Variants in PRKD3 observed in about 807,000 individuals in gnomAD.
PRKD3 encodes serine/threonine-protein kinase D3.
A neutral mutation model predicts 99.2 loss-of-function variants in PRKD3; 47 were observed. That is an observed-to-expected ratio of 0.47 (90% CI 0.38 to 0.60). The LOEUF (loss-of-function observed/expected upper bound fraction) is 0.60. Among genes scored for constraint, PRKD3 ranks in the 20% least tolerant of loss-of-function variants. The pLI, the probability that PRKD3 is intolerant of heterozygous loss-of-function variation, is 0.00. For synonymous variants in PRKD3, 392 were observed against 355.4 expected, an observed-to-expected ratio of 1.10 and a Z score of -1.16; for missense variants, 1,019 against 1,088.4, an observed-to-expected ratio of 0.94 and a Z score of 0.90.
chr2:37,271,612 C>T (rs771569512), intron 12 of PRKD3, among the ~76,000 whole-genome samples: 3 of 152,194 alleles, frequency 2.0e-5, no homozygotes, highest in African/African-American at 7.2e-5. Context: ...GCCCAAGCTC[C>T]GCCTCCTGCC....
Position 37,275,783 on chromosome 2 carries a change from C to G in PRKD3, c.1358G>C (p.Gly453Ala). The G allele has an allele frequency of 6.2e-7, 1 of 1,609,158 alleles. No individual in the cohort carries two copies. The highest frequency in any genetic ancestry group is 8.5e-7 in the Non-Finnish European group (1 of 1,177,784). ...AATCCTTACCTTATAATACTTTGAT[C>G]CAGATTCATTCTGAAATAATGTTAG... Reference protein sequence around the residue: ...KCLTLFQNESGSKYYKEIPLS... With the variant: ...KCLTLFQNESASKYYKEIPLS... Residue 453 changes from glycine to alanine, a missense_variant, in exon 10 of 19, where the codon GGA becomes GCA. Transcript: ENST00000234179.
intron 12 of PRKD3, among the ~76,000 whole-genome samples, chr2:37,270,939 T>C (rs964481995): frequency 2.0e-5 from 3 of 152,218 alleles, no homozygotes; most frequent in Admixed American, 1.3e-4. Flanking sequence ...TCCCATGGGA[T>C]TATTCAAAAT....
intron 2 of PRKD3, among the ~76,000 whole-genome samples, chr2:37,306,403 T>A (rs1219172976): frequency 6.6e-6 from 1 of 152,244 alleles, no homozygotes; most frequent in Non-Finnish European, 1.5e-5. Context: ...AGATCTTGTT[T>A]GTTGTTAATT....
At chr2:37,285,243 C>T (rs887519268) in intron 6 of PRKD3, among the ~76,000 whole-genome samples, 1 of 152,154 alleles carries the variant, frequency 6.6e-6, no homozygotes, top group African/African-American at 2.4e-5. Context: ...AAAGTTTCTA[C>T]TGTACAGCAT....
intron 9 of PRKD3, 121 bp downstream of exon 9, chr2:37,277,745 A>G: frequency 2.0e-6 from 2 of 997,808 alleles, no homozygotes; most frequent in Non-Finnish European, 2.8e-6. Context: ...TCTTTTACAA[A>G]TTGCTGTGGT....
At chr2:37,313,229 T>C (rs1671515410) in intron 2 of PRKD3, among the ~76,000 whole-genome samples, 1 of 151,710 alleles carries the variant, frequency 6.6e-6, no homozygotes, top group African/African-American at 2.4e-5. Flanking sequence ...AGACAAGATA[T>C]AAAGGATTGA....
At chr2:37,260,091 G>C in intron 15 of PRKD3, 132 bp downstream of exon 15, 1 of 762,200 alleles carries the variant, frequency 1.3e-6, no homozygotes, top group Admixed American at 3.0e-5. Flanking sequence ...CTTGAATCCA[G>C]GAGGCAGAGG....
intron 3 of PRKD3, chr2:37,292,877 G>C (rs958629468): frequency 3.7e-6 from 1 of 268,170 alleles, no homozygotes; most frequent in Non-Finnish European, 7.1e-6. Flanking sequence ...AAACTCCTGA[G>C]ATAAGCAATC....
At chr2:37,314,882 C>T (rs1223748734) in intron 2 of PRKD3, among the ~76,000 whole-genome samples, 1 of 152,052 alleles carries the variant, frequency 6.6e-6, no homozygotes, top group East Asian at 1.9e-4. Flanking sequence ...ATACAATGCT[C>T]TACAGGTCTA....
At chr2:37,261,061 T>C (rs569413894) in intron 14 of PRKD3, among the ~76,000 whole-genome samples, 1 of 152,370 alleles carries the variant, frequency 6.6e-6, no homozygotes, top group East Asian at 1.9e-4. Context: ...TGGCTCTTTA[T>C]TTCTGGACAT....
At chr2:37,311,540 T>C (rs1372680896) in intron 2 of PRKD3, among the ~76,000 whole-genome samples, 1 of 152,128 alleles carries the variant, frequency 6.6e-6, no homozygotes, top group Non-Finnish European at 1.5e-5. Flanking sequence ...TATAACACTA[T>C]TTAGCTCTCT....
chr2:37,301,338 G>A (rs1670917782), intron 2 of PRKD3, among the ~76,000 whole-genome samples: 1 of 151,896 alleles, frequency 6.6e-6, no homozygotes, highest in South Asian at 2.1e-4. Flanking sequence ...TCAGACTCCA[G>A]GAGAACAAAG....
intron 2 of PRKD3, among the ~76,000 whole-genome samples, chr2:37,301,485 A>G (rs11886853): frequency 0.033 from 4,962 of 151,784 alleles, 104 homozygotes; most frequent in Non-Finnish European, 0.048. Flanking sequence ...GTTGCCCACA[A>G]TGTAGTGGCT....
chr2:37,323,989 C>A (rs75736397), intron 1 of PRKD3, among the ~76,000 whole-genome samples: 3,510 of 152,258 alleles, frequency 0.023, 64 homozygotes, highest in Middle Eastern at 0.051. Flanking sequence ...CCTCTGACTG[C>A]GTTCACCTGA....
intron 11 of PRKD3, among the ~76,000 whole-genome samples, chr2:37,273,102 T>C (rs975889163): frequency 6.6e-6 from 1 of 152,162 alleles, no homozygotes; most frequent in Non-Finnish European, 1.5e-5. Flanking sequence ...GACAAAGAGT[T>C]TTTATACACT....
rs138398021 is a variant in PRKD3, at chr2:37,318,185, C to T, written c.-655-1006G>A. Among the ~76,000 whole-genome samples, 459 of 151,934 alleles carry T rather than the reference C, an allele frequency of 3.0e-3. 1 individual carries two copies. Among genetic ancestry groups the T allele is most frequent in the Non-Finnish European group, 5.6e-3 (381 of 67,988 alleles). On this transcript the variant is annotated intron_variant, in intron 1 of 18. Coordinates refer to ENST00000234179, the MANE Select transcript of PRKD3 (RefSeq NM_005813.6). ...AGAACGTGACAGAAGGGCAAAAGCA[C>T]ACAACTATAGTATTAGGAATGGGAA...
chr2:37,271,841 G>A (rs1484404241), intron 12 of PRKD3, among the ~76,000 whole-genome samples: 2 of 152,116 alleles, frequency 1.3e-5, no homozygotes, highest in Admixed American at 6.5e-5. Context: ...AAAGCCTAAG[G>A]TACTTACTAA....
intron 1 of PRKD3, among the ~76,000 whole-genome samples, chr2:37,323,364 C>T (rs2192945): frequency 0.044 from 6,676 of 151,772 alleles, 162 homozygotes; most frequent in African/African-American, 0.051. Context: ...GAACCTGGCT[C>T]GTCAAGGAGT....
chr2:37,306,244 C>G, intron 2 of PRKD3, among the ~76,000 whole-genome samples: 1 of 152,148 alleles, frequency 6.6e-6, no homozygotes, highest in East Asian at 1.9e-4. Flanking sequence ...GTGATCTGAT[C>G]AGGAAATTTC....
Sources: allele counts gnomAD v4.1 joint callset (sites outside exome capture counted in the v4.1 genomes callset), GRCh38; gene constraint gnomAD v4.1.1; transcripts MANE v1.5; gene names NCBI Gene and HGNC (gene_info 2026-07-23, HGNC 2026-07-21).